The following SFTPD variants were observed in gnomAD, a reference collection of about 807,000 sequenced individuals.
The protein encoded by SFTPD is pulmonary surfactant-associated protein D.
Under a neutral mutation model 34.6 loss-of-function variants are expected in SFTPD, and 18 were observed. The ratio of observed to expected loss-of-function variants is 0.52; its 90% confidence interval spans 0.36 to 0.77. The LOEUF is 0.77. Among genes scored for constraint, SFTPD ranks in the 30% least tolerant of loss-of-function variants. SFTPD has a pLI of 0.00. For missense variants in SFTPD, 433 were observed against 468.9 expected (o/e 0.92, Z 0.71); for synonymous variants, 155 against 180.9 (o/e 0.86, Z 1.15).
At chr10:79,980,905 CTT>C (rs1379642401) in intron 1 of SFTPD, among the ~76,000 whole-genome samples, 3 of 152,184 alleles carry the variant, frequency 2.0e-5, no homozygotes, top group Non-Finnish European at 4.4e-5. Flanking sequence ...ATACCTAACT[CTT>C]TAATGCCCAG....
chr10:79,941,361 C>T (rs1373599057), intron 6 of SFTPD, 37 bp downstream of exon 6: 5 of 1,584,470 alleles, frequency 3.2e-6, no homozygotes, highest in Non-Finnish European at 4.3e-6. Context: ...ACCCATGCCC[C>T]AGCGGGGCTT....
chr10:79,976,049 A>T (rs916559831), intron 1 of SFTPD, among the ~76,000 whole-genome samples: 2 of 152,054 alleles, frequency 1.3e-5, no homozygotes, highest in African/African-American at 4.8e-5. Flanking sequence ...TTTTGGGGCC[A>T]GTTTATGGCC....
intron 2 of SFTPD, among the ~76,000 whole-genome samples, chr10:79,945,406 A>AC (rs929450864): frequency 6.6e-6 from 1 of 151,724 alleles, no homozygotes; most frequent in African/African-American, 2.4e-5. Context: ...CTTGCCCCTT[A>AC]CCCCACAAAG....
chr10:79,947,968 AAG>A (rs1459764862), intron 1 of SFTPD, among the ~76,000 whole-genome samples: 2 of 152,242 alleles, frequency 1.3e-5, no homozygotes, highest in Non-Finnish European at 1.5e-5. Flanking sequence ...TGTGCAAAGA[AAG>A]GGGTCACCAG....
chr10:79,971,912 T>C (rs1223829830), intron 1 of SFTPD: 1 of 152,214 alleles, frequency 6.6e-6, no homozygotes, highest in East Asian at 1.9e-4. Flanking sequence ...TTAGCTATTA[T>C]TTTGTTTAAT....
chr10:79,968,604 T>C (rs1842817539), intron 1 of SFTPD: 1 of 152,222 alleles, frequency 6.6e-6, no homozygotes, highest in Admixed American at 6.5e-5. Flanking sequence ...TTTGCTATTG[T>C]GAATAGTGTT....
At chr10:79,949,646 T>C (rs1162954492), upstream of SFTPD, among the ~76,000 whole-genome samples, 1 of 151,900 alleles carries the variant, frequency 6.6e-6, no homozygotes, top group Non-Finnish European at 1.5e-5. Context: ...CTGGAAAGAG[T>C]TGCTCTTTTG....
chr10:79,952,287 A>G (rs553373983), upstream of SFTPD, among the ~76,000 whole-genome samples: 16 of 152,364 alleles, frequency 1.1e-4, no homozygotes, highest in African/African-American at 3.6e-4. Flanking sequence ...GGAGCCCTCA[A>G]AAGCCATCCC....
At chr10:79,940,655 T>C (rs369385505) in intron 7 of SFTPD, 50 bp downstream of exon 7, 34 of 1,208,946 alleles carry the variant, frequency 2.8e-5, no homozygotes, top group Non-Finnish European at 3.1e-5. Context: ...CAAGATCTAG[T>C]GTGGGGCCCA....
At chr10:79,945,902 T>C (rs1842660096) in intron 2 of SFTPD, among the ~76,000 whole-genome samples, 1 of 152,192 alleles carries the variant, frequency 6.6e-6, no homozygotes, top group Non-Finnish European at 1.5e-5. Context: ...AGGAGATTAA[T>C]ATGTCCCCTG....
chr10:79,963,021 C>T (rs563563394), intron 1 of SFTPD, among the ~76,000 whole-genome samples: 2 of 152,240 alleles, frequency 1.3e-5, no homozygotes, highest in South Asian at 4.1e-4. Flanking sequence ...ACCTACCTTT[C>T]CTTATTCCTG....
At chr10:79,981,849 A>G in intron 1 of SFTPD, 1 of 230,900 alleles carries the variant, frequency 4.3e-6, no homozygotes, top group Non-Finnish European at 8.5e-6. Context: ...ATGGCGCACC[A>G]GAACCTAAAC....
At chr10:79,965,139 T>A (rs1056907103) in intron 1 of SFTPD, among the ~76,000 whole-genome samples, 3 of 152,178 alleles carry the variant, frequency 2.0e-5, no homozygotes, top group Non-Finnish European at 2.9e-5. Context: ...AAAGGAGGAC[T>A]CTGTCAAGTA....
Position 79,970,800 on chromosome 10 carries a change from A to G in SFTPD, c.36+11775T>C, listed in dbSNP as rs1189044389. 3 of 152,160 alleles carry G rather than the reference A, an allele frequency of 2.0e-5. No homozygotes were observed. In the East Asian group the frequency reaches 5.8e-4, roughly 29 times the overall value. 9.4% of individuals were successfully genotyped at this position (152,160 alleles called of 1,614,324 possible). On this transcript the variant is annotated intron_variant, in intron 1 of 5. Transcript: ENST00000444384. ...GTTTTTCTATTTATAAGATCATGTC[A>G]TCTGCAAACACATAAAATTTGATTT...
chr10:79,982,236 G>A (rs1443597619), intron 1 of SFTPD: 2 of 781,560 alleles, frequency 2.6e-6, no homozygotes, highest in Non-Finnish European at 3.4e-6. Flanking sequence ...AGCAACGGAG[G>A]AGCCAATGGG....
intron 1 of SFTPD, among the ~76,000 whole-genome samples, chr10:79,962,302 TA>T (rs35688441): frequency 0.15 from 22,142 of 151,482 alleles, 2,027 homozygotes; most frequent in East Asian, 0.41. Context: ...TAATAATAAT[TA>T]AAAAAAATCA....
At chr10:79,965,313 C>T (rs1009904187) in intron 1 of SFTPD, among the ~76,000 whole-genome samples, 2 of 152,074 alleles carry the variant, frequency 1.3e-5, no homozygotes, top group Non-Finnish European at 2.9e-5. Context: ...AAACCATATC[C>T]AGGCCATCAC....
chr10:79,942,192 C>A (rs1012089572), intron 4 of SFTPD, 122 bp from the exon 5 acceptor site: 62 of 793,672 alleles, frequency 7.8e-5, no homozygotes, highest in Non-Finnish European at 6.3e-6. Context: ...GGAGACTCTC[C>A]TTGCTTTCTG....
intron 2 of SFTPD, among the ~76,000 whole-genome samples, chr10:79,944,530 C>A (rs146820866): frequency 3.3e-5 from 5 of 151,940 alleles, no homozygotes; most frequent in Admixed American, 3.3e-4. Flanking sequence ...TGAGCGTGAC[C>A]GGGGGCCAGA....
Sources: allele counts gnomAD v4.1 joint callset (sites outside exome capture counted in the v4.1 genomes callset), GRCh38; gene constraint gnomAD v4.1.1; transcripts MANE v1.5; gene names NCBI Gene and HGNC (gene_info 2026-07-23, HGNC 2026-07-21).